The following ADSS2 variants were observed in gnomAD, a reference collection of about 807,000 sequenced individuals.
ADSS2 encodes the protein adenylosuccinate synthase 2, also known as adenylosuccinate synthetase isozyme 2.
ADSS2 carries 30 observed loss-of-function variants against 60.0 expected under a neutral mutation model. The observed-to-expected ratio is 0.50, with a 90% CI of 0.37 to 0.68. The LOEUF (loss-of-function observed/expected upper bound fraction) is 0.68, where lower values mean the gene tolerates loss of function less well. Among genes scored for constraint, ADSS2 ranks in the 30% least tolerant of loss-of-function variants. The pLI is 0.00. For missense variants in ADSS2, 373 were observed against 554.8 expected (o/e 0.67, Z 3.29); for synonymous variants, 187 against 193.1 (o/e 0.97, Z 0.26).
intron 12 of ADSS2, among the ~76,000 whole-genome samples, chr1:244,410,521 T>C (rs1040337560): frequency 2.0e-5 from 3 of 148,404 alleles, no homozygotes; most frequent in African/African-American, 7.5e-5. Flanking sequence ...TACATTTTTT[T>C]CTAGTGAGAT....
chr1:244,431,740 C>T (rs1558275310), intron 4 of ADSS2, among the ~76,000 whole-genome samples: 1 of 152,088 alleles, frequency 6.6e-6, no homozygotes, highest in Non-Finnish European at 1.5e-5. Flanking sequence ...TATGTTAATC[C>T]AATAGAGTTT....
rs1665604830 is a variant in ADSS2, at chr1:244,451,576, G to A, written c.183+59C>T. ...TCTGGGTCCGAGTTCCCGGGCACCA[G>A]GAGCCAGGCAGCCCGAGCTCCCGGG... On this transcript the variant is annotated intron_variant, in intron 1 of 12. Transcript: ENST00000366535. The surrounding 1 kb of genome is among the most constrained non-coding windows in gnomAD (Gnocchi z 6.6). 1.3e-6 allele frequency: 2 copies of A among 1,525,064 alleles called. No homozygotes were observed. The highest frequency in any genetic ancestry group is 4.2e-5 in the Admixed American group (2 of 48,178). The allele number at this position is 1,525,064 out of a possible 1,614,324, so 94.5% of individuals were successfully genotyped here.
At chr1:244,445,648 T>TA (rs34487846) in intron 1 of ADSS2, among the ~76,000 whole-genome samples, 33,824 of 147,298 alleles carry the variant, frequency 0.23, 4,010 homozygotes, top group Middle Eastern at 0.3. Context: ...CAGGGGAGGT[T>TA]AAAAAAAAAA....
intron 4 of ADSS2, among the ~76,000 whole-genome samples, chr1:244,430,721 A>C (rs1219035255): frequency 6.6e-6 from 1 of 152,248 alleles, no homozygotes; most frequent in Non-Finnish European, 1.5e-5. Context: ...TTGGTAACAG[A>C]ATAAATAAAG....
In ADSS2 at chr1:244,411,156, G is replaced by C. The variant is rs558908221; in HGVS notation, c.1318+131C>G. ...GAATAGCTTGAACCCAGGAGGCAGAGGTTGCAGTGAGCCGAGATCCCGCCA... is the reference window on the plus strand; with the variant it reads ...GAATAGCTTGAACCCAGGAGGCAGACGTTGCAGTGAGCCGAGATCCCGCCA... On this transcript the variant is annotated intron_variant, in intron 12 of 12. Coordinates refer to ENST00000366535, the MANE Select transcript of ADSS2 (RefSeq NM_001126.5). 1.6e-4 allele frequency: 140 copies of C among 859,294 alleles called. No homozygotes were observed. The African/African-American group carries it at 2.2e-3, about 13-fold the overall frequency. The allele number at this position is 859,294 out of a possible 1,614,324, so 53.2% of individuals were successfully genotyped here. A position where few individuals can be genotyped will look rare whatever the true frequency, so the allele number is the denominator to read the frequency against.
At chr1:244,435,541 ATCC>A (rs896828220) in intron 3 of ADSS2, among the ~76,000 whole-genome samples, 39 of 150,520 alleles carry the variant, frequency 2.6e-4, no homozygotes, top group African/African-American at 8.1e-4. Flanking sequence ...TTCCTCCTTC[ATCC>A]TCCTCCTCTA....
chr1:244,418,710 G>T, intron 9 of ADSS2, 50 bp downstream of exon 9: 1 of 1,485,496 alleles, frequency 6.7e-7, no homozygotes, highest in Non-Finnish European at 9.0e-7. Context: ...AGAAAAAAAA[G>T]AAGAATGAAT....
At position 244,416,067 on chromosome 1, in the gene ADSS2, G is replaced by GT; in HGVS notation, c.1081dup (p.Thr361AsnfsTer23). 6.2e-7 allele frequency: 1 copy of GT among 1,613,092 alleles called. No homozygotes were observed. Among genetic ancestry groups the GT allele is most frequent in the South Asian group, 1.1e-5 (1 of 90,996 alleles). Reference sequence around the variant, plus strand: ...AAACATGTCCAAAATATCCAACTTGGTAAGTGCCAACCTAATTTTGGAAGA... The same window carrying GT: ...AAACATGTCCAAAATATCCAACTTGGTTAAGTGCCAACCTAATTTTGGAAGA... On this transcript the variant is annotated frameshift_variant, in exon 11 of 13. Transcript: ENST00000366535. LOFTEE classifies it high-confidence loss of function.
intron 2 of ADSS2, among the ~76,000 whole-genome samples, chr1:244,437,440 C>T (rs1665133304): frequency 6.6e-6 from 1 of 152,078 alleles, no homozygotes; most frequent in Admixed American, 6.5e-5. Context: ...TCAGTGAGCA[C>T]AGATGAATGC....
chr1:244,437,056 A>G (rs576772505), intron 2 of ADSS2, among the ~76,000 whole-genome samples, 163 bp from the exon 3 acceptor site: 1 of 152,330 alleles, frequency 6.6e-6, no homozygotes, highest in African/African-American at 2.4e-5. Context: ...GTGAATATAA[A>G]ACACTAGAAT....
intron 1 of ADSS2, among the ~76,000 whole-genome samples, chr1:244,443,095 T>A (rs1158775413): frequency 6.6e-6 from 1 of 152,224 alleles, no homozygotes; most frequent in Non-Finnish European, 1.5e-5. Flanking sequence ...TGATTCATCA[T>A]GTTTCATGAT....
intron 3 of ADSS2, 34 bp downstream of exon 3, chr1:244,436,791 C>A: frequency 1.9e-6 from 3 of 1,547,786 alleles, no homozygotes; most frequent in Non-Finnish European, 2.7e-6. Flanking sequence ...TTACAAAGAA[C>A]AACTGGTTAC....
At chr1:244,446,349 A>G (rs1347901864) in intron 1 of ADSS2, among the ~76,000 whole-genome samples, 2 of 152,240 alleles carry the variant, frequency 1.3e-5, no homozygotes, top group Non-Finnish European at 2.9e-5. Context: ...AAAGTAGAGC[A>G]GGTTAAGTTA....
At chr1:244,437,312 T>C (rs1665129442) in intron 2 of ADSS2, among the ~76,000 whole-genome samples, 1 of 152,148 alleles carries the variant, frequency 6.6e-6, no homozygotes, top group Non-Finnish European at 1.5e-5. Context: ...GGGTTCAAAA[T>C]AAATTCATGA....
chr1:244,441,144 C>T (rs748498545), intron 1 of ADSS2, among the ~76,000 whole-genome samples: 11 of 151,672 alleles, frequency 7.3e-5, no homozygotes, highest in Admixed American at 1.3e-4. Flanking sequence ...CTGCAAACTC[C>T]GCCTCTCGGG....
Position 244,451,649 on chromosome 1 carries a change from C to A in ADSS2, c.169G>T (p.Val57Leu). The A allele has an allele frequency of 6.2e-7, 1 of 1,610,336 alleles. No individual in the cohort carries two copies. Among genetic ancestry groups the A allele is most frequent in the East Asian group, 2.2e-5 (1 of 44,722 alleles). ...CGTCGCCTCACCTGGCAGCGGCACA[C>A]GATGTCGGCGTCCTGCGCCAGCAGG... The part of the protein sequence containing the change: ...VDLLAQDADI[V>L]CRCQGGNNAG... Residue 57 changes from valine to leucine, a missense_variant, in exon 1 of 13, where the codon GTG becomes TTG. Val to Leu is a conservative substitution (Grantham distance 32). Transcript: ENST00000366535. The surrounding 1 kb of genome is among the most constrained non-coding windows in gnomAD (Gnocchi z 6.6).
intron 7 of ADSS2, among the ~76,000 whole-genome samples, chr1:244,421,742 G>C (rs1664679784): frequency 6.6e-6 from 1 of 152,154 alleles, no homozygotes; most frequent in Non-Finnish European, 1.5e-5. Flanking sequence ...ACTTTGGGAG[G>C]CCAAGGCAGG....
rs1192793707 is a variant in ADSS2, at chr1:244,409,528, T to C, written c.*58A>G. 1.5e-6 allele frequency: 2 copies of C among 1,346,044 alleles called. No individual in the cohort carries two copies. Among genetic ancestry groups the C allele is most frequent in the South Asian group, 1.2e-5 (1 of 82,288 alleles). 83.4% of individuals were successfully genotyped at this position (1,346,044 alleles called of 1,614,324 possible). A position where few individuals can be genotyped will look rare whatever the true frequency, so the allele number is the denominator to read the frequency against. ...GAATTTGCAGGTCATAAATGAAATA[T>C]TTAAGAAAGTCTTTTCCCCTCCCTC... On this transcript the variant is annotated 3_prime_UTR_variant, in exon 13 of 13. Coordinates refer to ENST00000366535, the MANE Select transcript of ADSS2 (RefSeq NM_001126.5).
chr1:244,411,218 CAA>C (rs367805844), intron 12 of ADSS2, 67 bp downstream of exon 12: 2,428 of 1,131,744 alleles, frequency 2.1e-3, no homozygotes, highest in East Asian at 3.0e-3. Context: ...GACTCCGTCT[CAA>C]AAAAAAAAAA....
Sources: allele counts gnomAD v4.1 joint callset (sites outside exome capture counted in the v4.1 genomes callset), GRCh38; gene constraint gnomAD v4.1.1; non-coding constraint Gnocchi (gnomAD v3.1); transcripts MANE v1.5; gene names NCBI Gene and HGNC (gene_info 2026-07-23, HGNC 2026-07-21).